The following NRXN1 variants were observed in gnomAD, a reference collection of about 807,000 sequenced individuals.
NRXN1 encodes neurexin-1.
Under a neutral mutation model 150.9 loss-of-function variants are expected in NRXN1, and 39 were observed. The ratio of observed to expected loss-of-function variants is 0.26; its 90% CI spans 0.20 to 0.34. The LOEUF (loss-of-function observed/expected upper bound fraction) is 0.34. NRXN1 is among the 10% of genes least tolerant of loss of function. The pLI, the probability that NRXN1 is intolerant of heterozygous loss-of-function variation, is 1.00. For missense variants in NRXN1, 1,815 were observed against 1,949.9 expected (o/e 0.93, Z 1.30); for synonymous variants, 924 against 757.0 (o/e 1.22, Z -3.62).
intron 17 of NRXN1, among the ~76,000 whole-genome samples, chr2:50,264,601 G>C (rs967180319): frequency 3.9e-5 from 6 of 151,926 alleles, no homozygotes; most frequent in Non-Finnish European, 7.4e-5. Context: ...CAATGCAAGA[G>C]GTGAATGAGA....
intron 5 of NRXN1, among the ~76,000 whole-genome samples, chr2:50,636,727 G>A (rs1280220637): frequency 6.6e-6 from 1 of 152,026 alleles, no homozygotes; most frequent in Non-Finnish European, 1.5e-5. Context: ...GGAAAGGCCT[G>A]GTATTCACAA....
At chr2:50,878,098 A>G (rs1678876487) in intron 5 of NRXN1, among the ~76,000 whole-genome samples, 1 of 151,952 alleles carries the variant, frequency 6.6e-6, no homozygotes, top group African/African-American at 2.4e-5. Flanking sequence ...GAAGGAACAC[A>G]TACTGCTTTT....
At chr2:50,850,188 A>C (rs1181390606) in intron 5 of NRXN1, among the ~76,000 whole-genome samples, 1 of 151,152 alleles carries the variant, frequency 6.6e-6, no homozygotes, top group African/African-American at 2.4e-5. Context: ...TGATTACTGC[A>C]CTGCACTCCA....
Position 50,346,817 on chromosome 2 carries a change from G to A in NRXN1, c.3365-109847C>T, listed in dbSNP as rs1163685792. 6.2e-7 allele frequency: 1 copy of A among 1,612,672 alleles called. No homozygotes were observed. The highest frequency in any genetic ancestry group is 1.7e-5 in the Admixed American group (1 of 59,946). ...CTGGATGCCCCCCACGCCACTCCTA[G>A]GAGGCCGCTGAGGGTGAGCGGGACT... On this transcript the variant is annotated intron_variant, in intron 17 of 22. Transcript: ENST00000401669. This position sits in a 1 kb window ranked among gnomAD's most constrained non-coding sequence, Gnocchi z 5.0.
In NRXN1 at chr2:50,672,282, TCA is replaced by T. The variant is rs539702900; in HGVS notation, c.833-48669_833-48668del. ...AATGTTAAAAAAAAAAAGCCACAAA[TCA>T]CAGTTAGTCCAGGGAAAATTTCTTG... On this transcript the variant is annotated intron_variant, in intron 5 of 22. Coordinates refer to ENST00000401669, the MANE Select transcript of NRXN1 (RefSeq NM_001330078.2). Among the ~76,000 whole-genome samples, 240 of 151,866 alleles carry T rather than the reference TCA, an allele frequency of 1.6e-3. 3 individuals are homozygous for T. In the Middle Eastern group the frequency reaches 0.031, roughly 19 times the overall value.
chr2:50,385,683 A>G (rs2081286665), intron 17 of NRXN1, among the ~76,000 whole-genome samples: 1 of 152,084 alleles, frequency 6.6e-6, no homozygotes, highest in Admixed American at 6.6e-5. Flanking sequence ...ACAGCCTAAG[A>G]GCTGCCTTTT....
chr2:50,706,810 AT>A (rs139071115), intron 5 of NRXN1, among the ~76,000 whole-genome samples: 11,905 of 140,260 alleles, frequency 0.085, 520 homozygotes, highest in Non-Finnish European at 0.12. Context: ...ACATATTTGG[AT>A]TTTTTTTTTT....
At chr2:50,843,039 G>A (rs907045367) in intron 5 of NRXN1, among the ~76,000 whole-genome samples, 5 of 152,156 alleles carry the variant, frequency 3.3e-5, no homozygotes, top group Non-Finnish European at 5.9e-5. Context: ...AAGTCTATGT[G>A]TATAGTACTC....
At chr2:50,200,170 T>C (rs766959697) in intron 18 of NRXN1, among the ~76,000 whole-genome samples, 3 of 152,206 alleles carry the variant, frequency 2.0e-5, no homozygotes, top group African/African-American at 7.2e-5. Context: ...AAACAAAACC[T>C]ACTTGAAGCT....
chr2:50,626,368 CT>C (rs1681052743), intron 5 of NRXN1, among the ~76,000 whole-genome samples: 1 of 151,802 alleles, frequency 6.6e-6, no homozygotes, highest in African/African-American at 2.4e-5. Flanking sequence ...AGTAAGTTGC[CT>C]GCGTAAAGAT....
At chr2:50,393,086 C>T (rs1227574416) in intron 17 of NRXN1, among the ~76,000 whole-genome samples, 1 of 151,766 alleles carries the variant, frequency 6.6e-6, no homozygotes, top group Non-Finnish European at 1.5e-5. Context: ...TCAACAGGTG[C>T]CATCTCAAGA....
intron 22 of NRXN1, among the ~76,000 whole-genome samples, chr2:49,923,529 T>TAA (rs1668580885): frequency 6.6e-6 from 1 of 152,212 alleles, no homozygotes; most frequent in Admixed American, 6.5e-5. Flanking sequence ...CATGTATATG[T>TAA]AAGAACTGAA....
Position 50,805,083 on chromosome 2 carries a change from T to C in NRXN1, c.832+116786A>G, listed in dbSNP as rs375181593. ...CCCAGCACTTACTGTGGGAATTAAG[T>C]GAAGTGATTAGAACAATGCCTGCCA... On this transcript the variant is annotated intron_variant, in intron 5 of 22. Coordinates refer to ENST00000401669, the MANE Select transcript of NRXN1 (RefSeq NM_001330078.2). Among the ~76,000 whole-genome samples the C allele has an allele frequency of 5.9e-5, 9 of 152,194 alleles. No homozygotes were observed. The East Asian group carries it at 1.7e-3, about 30-fold the overall frequency.
rs144585497 is a variant in NRXN1, at chr2:50,377,147, T to C, written c.3364+88295A>G. Among the ~76,000 whole-genome samples, 24 of 152,254 alleles carry C rather than the reference T, an allele frequency of 1.6e-4. No homozygotes were observed. In the East Asian group the frequency reaches 3.7e-3, roughly 23 times the overall value. Reference sequence around the variant, plus strand: ...ATGTGAAGGATGTGCAGGTTTGTTATGAAGGCAAACATGTGCGATGGTGGT... The same window carrying C: ...ATGTGAAGGATGTGCAGGTTTGTTACGAAGGCAAACATGTGCGATGGTGGT... On this transcript the variant is annotated intron_variant, in intron 17 of 22. Transcript: ENST00000401669.
intron 17 of NRXN1, among the ~76,000 whole-genome samples, chr2:50,247,267 T>C (rs917912443): frequency 1.2e-4 from 18 of 152,090 alleles, no homozygotes; most frequent in Admixed American, 1.2e-3. Context: ...CTCAACCTGG[T>C]AATGGTGATC....
At chr2:50,649,800 G>A (rs540895642) in intron 5 of NRXN1, among the ~76,000 whole-genome samples, 1 of 152,036 alleles carries the variant, frequency 6.6e-6, no homozygotes, top group East Asian at 2.0e-4. Context: ...ACTCTTGCTG[G>A]GACATGATAC....
chr2:50,942,410 C>T (rs1280333611), intron 2 of NRXN1, among the ~76,000 whole-genome samples: 1 of 152,290 alleles, frequency 6.6e-6, no homozygotes, highest in South Asian at 2.1e-4. Context: ...GATCCACCGA[C>T]AGCTTGCACC....
At chr2:50,366,110 G>A (rs2079560701) in intron 17 of NRXN1, among the ~76,000 whole-genome samples, 1 of 149,874 alleles carries the variant, frequency 6.7e-6, no homozygotes. Context: ...AGGTTAGTTG[G>A]GTAAATAAAG....
intron 2 of NRXN1, among the ~76,000 whole-genome samples, chr2:50,935,460 A>C (rs1471330148): frequency 6.6e-6 from 1 of 152,174 alleles, no homozygotes; most frequent in African/African-American, 2.4e-5. Flanking sequence ...GGCTGGGCGC[A>C]GTGGCTCAGG....
Sources: gnomAD v4.1 joint callset for allele counts (sites outside exome capture counted in the v4.1 genomes callset) on GRCh38, gnomAD v4.1.1 for gene constraint, Gnocchi (gnomAD v3.1) non-coding constraint, MANE v1.5 for transcripts, NCBI Gene and HGNC (gene_info 2026-07-23, HGNC 2026-07-21) for gene names.